The following DOCK11 variants were observed in gnomAD, a reference collection of about 807,000 sequenced individuals.
DOCK11 encodes the protein dedicator of cytokinesis protein 11.
DOCK11 carries 70 observed loss-of-function variants against 169.1 expected under a neutral mutation model. That is an observed-to-expected ratio of 0.41 (90% CI 0.34 to 0.51). The LOEUF is 0.51. Ranked by LOEUF, DOCK11 falls within the 20% of genes least tolerant of loss-of-function variation. The probability of loss-of-function intolerance (pLI) is 0.10; values close to 1 mark genes in which losing one functional copy is unlikely to be tolerated. For synonymous variants in DOCK11, 529 were observed against 541.3 expected, an observed-to-expected ratio of 0.98 and a Z score of 0.32; for missense variants, 1,166 against 1,538.8, an observed-to-expected ratio of 0.76 and a Z score of 4.05.
chrX:118,659,700 A>G (rs929917986), intron 44 of DOCK11, among the ~76,000 whole-genome samples: 3 of 111,924 alleles, frequency 2.7e-5, no homozygotes, highest in Non-Finnish European at 5.6e-5. Context: ...TCACAATAGT[A>G]GTCTTTGCAC....
At chrX:118,500,629 AT>A (rs1230681236) in intron 1 of DOCK11, among the ~76,000 whole-genome samples, 9 of 106,475 alleles carry the variant, frequency 8.5e-5, no homozygotes, top group East Asian at 2.9e-4. Context: ...TTGTTTATGT[AT>A]TTTTTTTTTG....
intron 19 of DOCK11, among the ~76,000 whole-genome samples, chrX:118,591,686 G>A (rs1452097561): frequency 9.9e-6 from 1 of 101,414 alleles, no homozygotes. Flanking sequence ...CAACATGCAG[G>A]TTTGTTACAT....
chrX:118,649,018 C>T lies in DOCK11; in HGVS notation c.4472C>T (p.Thr1491Ile). ...TGCTATGAGGTTTTAAAGTGCTGCA[C>T]ATCGAAGATTAGCTCAACCAGGAAT... ...AFCYEVLKCC[T>I]SKISSTRNEA... The change falls in exon 41 of 53, where the codon ACA becomes ATA. Residue 1491 changes from threonine (T) to isoleucine (I), a missense_variant. Transcript: ENST00000276202. The T allele has an allele frequency of 8.3e-7, 1 of 1,208,535 alleles. No individual in the cohort carries two copies. The highest frequency in any genetic ancestry group is 1.1e-6 in the Non-Finnish European group (1 of 893,410).
At chrX:118,682,312 A>G (rs2016764252) in intron 51 of DOCK11, among the ~76,000 whole-genome samples, 1 of 111,147 alleles carries the variant, frequency 9.0e-6, no homozygotes, top group African/African-American at 3.3e-5. Context: ...TTAATATATA[A>G]AAGTCTTCAT....
At chrX:118,589,393 A>G (rs1202363452) in intron 18 of DOCK11, among the ~76,000 whole-genome samples, 1 of 111,361 alleles carries the variant, frequency 9.0e-6, no homozygotes, top group Non-Finnish European at 1.9e-5. Context: ...GTTCTTGCAA[A>G]TTGCCTTCAT....
rs1212457685 is a variant in DOCK11 at position 118,588,153 on chromosome X, A to C, written c.1812A>C (p.Ser604=). 5.0e-6 allele frequency: 6 copies of C among 1,191,087 alleles called. No individual in the cohort carries two copies. The highest frequency in any genetic ancestry group is 5.6e-6 in the Non-Finnish European group (5 of 887,638). ...PVDLSNCITS[S]YVPLKPFEKN... ...CTGCTATAGATTGTATTACTTCTTCATATGTGCCCTTGAAGCCTTTTGAAA... is the reference window on the plus strand; with the variant it reads ...CTGCTATAGATTGTATTACTTCTTCCTATGTGCCCTTGAAGCCTTTTGAAA... Residue 604 remains serine (S), a synonymous_variant, in exon 17 of 53, where the codon TCA becomes TCC. Transcript: ENST00000276202.
At chrX:118,569,522 G>A (rs2013208084) in intron 10 of DOCK11, 1 of 111,014 alleles carries the variant, frequency 9.0e-6, no homozygotes, top group Admixed American at 9.6e-5. Flanking sequence ...AGCCATTGTT[G>A]TTTTTTTCTT....
At chrX:118,508,598 A>G (rs2057629576) in intron 1 of DOCK11, among the ~76,000 whole-genome samples, 1 of 111,211 alleles carries the variant, frequency 9.0e-6, no homozygotes, top group Admixed American at 9.5e-5. Flanking sequence ...ATCAACCGGT[A>G]CATACATGGA....
At chrX:118,548,356 C>T (rs908440872) in intron 6 of DOCK11, among the ~76,000 whole-genome samples, 1 of 111,966 alleles carries the variant, frequency 8.9e-6, no homozygotes, top group Non-Finnish European at 1.9e-5. Flanking sequence ...AATTGATGGC[C>T]TCTCAAAGAT....
intron 1 of DOCK11, among the ~76,000 whole-genome samples, chrX:118,534,825 T>C (rs1229206094): frequency 8.9e-6 from 1 of 112,022 alleles, no homozygotes; most frequent in Non-Finnish European, 1.9e-5. Context: ...TGGAGGATAT[T>C]GAGGTGAATT....
At chrX:118,636,699 G>A (rs755691453) in intron 36 of DOCK11, among the ~76,000 whole-genome samples, 4 of 111,822 alleles carry the variant, frequency 3.6e-5, no homozygotes, top group Non-Finnish European at 7.5e-5. Context: ...ATCATCTGTC[G>A]TGCATCATTC....
intron 23 of DOCK11, among the ~76,000 whole-genome samples, chrX:118,603,273 G>A (rs1447898310): frequency 8.9e-6 from 1 of 112,870 alleles, no homozygotes; most frequent in Non-Finnish European, 1.9e-5. Context: ...CAGGTTTGGC[G>A]GGACAGGCCG....
chrX:118,557,836 C>T (rs1232955131), intron 6 of DOCK11, among the ~76,000 whole-genome samples: 2 of 103,007 alleles, frequency 1.9e-5, no homozygotes, highest in African/African-American at 7.2e-5. Context: ...AAATCCTGTG[C>T]AGTTTTCTGG....
rs769917082 is a variant in DOCK11 at position 118,608,069 on chromosome X, C to T, written c.2682-3C>T. 37 of 1,188,290 alleles carry T rather than the reference C, an allele frequency of 3.1e-5. No individual in the cohort carries two copies. The highest frequency in any genetic ancestry group is 4.2e-5 in the Non-Finnish European group (37 of 884,485). ...ATGCTGACTCTTGTGAATGTCGTTT[C>T]AGGGTTCTCTTACATATTGTATCAA... On this transcript the variant is annotated splice_polypyrimidine_tract_variant and splice_region_variant and intron_variant, in intron 24 of 52. Coordinates refer to ENST00000276202, the MANE Select transcript of DOCK11 (RefSeq NM_144658.4).
At chrX:118,500,732 C>T (rs1294803) in intron 1 of DOCK11, among the ~76,000 whole-genome samples, 45,941 of 109,291 alleles carry the variant, frequency 0.42, 7,305 homozygotes, top group Middle Eastern at 0.58. Context: ...GGGATCCTCC[C>T]ACCTCAGCCT....
intron 32 of DOCK11, among the ~76,000 whole-genome samples, chrX:118,626,775 C>T (rs928368734): frequency 8.9e-6 from 1 of 112,475 alleles, no homozygotes; most frequent in Non-Finnish European, 1.9e-5. Context: ...TTTACAAATA[C>T]AGTATCTCAT....
chrX:118,627,352 A>T (rs79721230), intron 32 of DOCK11, 152 bp from the exon 33 acceptor site: 1 of 430,052 alleles, frequency 2.3e-6, no homozygotes, highest in Non-Finnish European at 4.0e-6. Flanking sequence ...TTTTTAAAAA[A>T]GAGTCACCTA....
At chrX:118,525,987 C>T (rs937272150) in intron 1 of DOCK11, among the ~76,000 whole-genome samples, 2 of 112,107 alleles carry the variant, frequency 1.8e-5, no homozygotes, top group African/African-American at 6.5e-5. Context: ...TACTTATTCC[C>T]TGTGAAATTT....
In DOCK11 at chrX:118,643,581, CT is replaced by C; in HGVS notation, c.4388del (p.Phe1463SerfsTer14). On this transcript the variant is annotated frameshift_variant, in exon 40 of 53. Transcript: ENST00000276202. LOFTEE classifies it high-confidence loss of function. ...SLKHVFASLR[A>X]FISKFPSAFF... ...AAACATGTATTTGCCTCACTGAGAGCTTTCATCAGTAAGGTAAGGACAGAAG... is the reference window on the plus strand; with the variant it reads ...AAACATGTATTTGCCTCACTGAGAGCTTCATCAGTAAGGTAAGGACAGAAG... The C allele has an allele frequency of 8.3e-7, 1 of 1,210,627 alleles. No homozygotes were observed.
Sources: gnomAD v4.1 joint callset for allele counts (sites outside exome capture counted in the v4.1 genomes callset) on GRCh38, gnomAD v4.1.1 for gene constraint, MANE v1.5 for transcripts, NCBI Gene and HGNC (gene_info 2026-07-23, HGNC 2026-07-21) for gene names.